TET3: variants seen among roughly 807,000 people sequenced by gnomAD.
TET3 encodes methylcytosine dioxygenase TET3.
TET3 carries 19 observed loss-of-function variants against 141.4 expected under a neutral mutation model. The observed-to-expected ratio is 0.13, with a 90% CI of 0.09 to 0.20. The LOEUF is 0.20. Among genes scored for constraint, TET3 ranks in the 10% least tolerant of loss-of-function variants. TET3 has a pLI of 1.00. For missense variants in TET3, 1,874 were observed against 2,356.9 expected (o/e 0.80, Z 4.24); for synonymous variants, 1,043 against 980.9 (o/e 1.06, Z -1.18).
chr2:74,108,473 A>C (rs1255429611), downstream of TET3, among the ~76,000 whole-genome samples: 3 of 151,150 alleles, frequency 2.0e-5, no homozygotes, highest in Non-Finnish European at 4.4e-5. Flanking sequence ...TTTTCTTTCC[A>C]CTGGGAGATA....
rs1288926105 is a variant in TET3 at position 74,087,876 on chromosome 2, G to A, written c.2726G>A (p.Arg909Gln). The A allele has an allele frequency of 6.4e-7, 1 of 1,551,606 alleles. No individual in the cohort carries two copies. Residue 909 changes from arginine to glutamine, a missense_variant, in exon 7 of 12, where the codon CGG (arginine) becomes CAG (glutamine). Physicochemically the swap from Arg to Gln is conservative, Grantham distance 43. Coordinates refer to ENST00000409262, the MANE Select transcript of TET3 (RefSeq NM_001287491.2). The surrounding 1 kb of genome is among the most constrained non-coding windows in gnomAD (Gnocchi z 4.3). ...TLEEKLLCLV[R>Q]HRAGHHCQNA... ...GAGGAGAAGCTACTCTGCCTGGTGC[G>A]GCACCGGGCAGGCCACCACTGCCAG... is the stretch of plus-strand genomic sequence containing the variant.
At position 74,101,903 on chromosome 2, in the gene TET3, G is replaced by T. The variant is rs1691240771; in HGVS notation, c.5115G>T (p.Gly1705=). The T allele has an allele frequency of 6.2e-7, 1 of 1,613,356 alleles. No homozygotes were observed. The highest frequency in any genetic ancestry group is 1.6e-4 in the Middle Eastern group (1 of 6,062). ...AGAACCTCAACCAGCCCAACCACGG[G>T]CTGGCCCTCTGGGAAGCCAAGATGA... ...QHKNLNQPNH[G]LALWEAKMKQ... Residue 1705 remains glycine, a synonymous_variant, in exon 12 of 12, where the codon GGG becomes GGT. Coordinates refer to ENST00000409262, the MANE Select transcript of TET3 (RefSeq NM_001287491.2). The surrounding 1 kb of genome is among the most constrained non-coding windows in gnomAD (Gnocchi z 8.5).
At chr2:74,016,541 G>A (rs956533578) in intron 3 of TET3, among the ~76,000 whole-genome samples, 7 of 152,014 alleles carry the variant, frequency 4.6e-5, no homozygotes, top group African/African-American at 1.2e-4. Flanking sequence ...GGCCAACATG[G>A]TGAAACTTTG....
the TET3 span, among the ~76,000 whole-genome samples, chr2:74,128,391 G>A: frequency 3.7e-4 from 57 of 152,158 alleles, no homozygotes; most frequent in African/African-American, 1.3e-3. Context: ...AAGGAAAATC[G>A]GAGAAACTGC....
the TET3 span, among the ~76,000 whole-genome samples, chr2:74,126,245 A>G: frequency 6.6e-6 from 1 of 152,216 alleles, no homozygotes; most frequent in Admixed American, 6.5e-5. Context: ...GACACAGTAG[A>G]TCAGCTGTTT....
intron 2 of TET3, among the ~76,000 whole-genome samples, chr2:73,995,503 G>A (rs574131273): frequency 1.3e-5 from 2 of 152,296 alleles, no homozygotes; most frequent in South Asian, 4.1e-4. Flanking sequence ...GACCTCCCCA[G>A]ATTTAAGAAG....
At chr2:73,996,248 A>G (rs752769130) in intron 2 of TET3, among the ~76,000 whole-genome samples, 6 of 152,172 alleles carry the variant, frequency 3.9e-5, no homozygotes, top group Admixed American at 6.5e-5. Flanking sequence ...ACTCCGTTAC[A>G]GCTCCTTTTT....
Position 74,096,777 on chromosome 2 carries a change from AAAAGAAAG to A in TET3, c.3268-2483_3268-2476del, listed in dbSNP as rs936843398. Reference sequence around the variant, plus strand: ...GAGCAAAACTCTGTCTCAAAAAAAAAAAAGAAAGAAAGAAAGAAAGAAAAGCAGGTCAG... The same window carrying A: ...GAGCAAAACTCTGTCTCAAAAAAAAAAAAGAAAGAAAGAAAAGCAGGTCAG... On this transcript the variant is annotated intron_variant, in intron 10 of 11. Transcript: ENST00000409262. Among the ~76,000 whole-genome samples, 13 of 145,330 alleles carry A rather than the reference AAAAGAAAG, an allele frequency of 8.9e-5. No individual in the cohort carries two copies. In the East Asian group the frequency reaches 2.1e-3, roughly 23 times the overall value.
At chr2:73,988,788 G>A (rs1008448287) in intron 2 of TET3, among the ~76,000 whole-genome samples, 4 of 152,134 alleles carry the variant, frequency 2.6e-5, no homozygotes, top group Non-Finnish European at 4.4e-5. Context: ...TTTTCGTAAA[G>A]CTAACTTTCT....
rs1572903813 is a variant in TET3 at position 74,100,561 on chromosome 2, A to C, written c.3773A>C (p.Tyr1258Ser). The C allele has an allele frequency of 1.2e-6, 2 of 1,612,964 alleles. No individual in the cohort carries two copies. The highest frequency in any genetic ancestry group is 1.7e-6 in the Non-Finnish European group (2 of 1,179,576). ...GACCCTTACAGCATGAACAGCGTGT[A>C]CTCCTACCACTCCTACTATGCACAG... ...PSDPYSMNSV[Y>S]SYHSYYAQPS... The change falls in exon 12 of 12, where the codon TAC becomes TCC. Residue 1258 changes from tyrosine (Y) to serine (S), a missense_variant. This residue lies in a region of TET3 where 602 missense variants were observed against 590.2 expected (regional missense o/e 1.02). Coordinates refer to ENST00000409262, the MANE Select transcript of TET3 (RefSeq NM_001287491.2).
chr2:74,010,705 G>GTCTCCCTGCC (rs1349303755), intron 3 of TET3, among the ~76,000 whole-genome samples: 1 of 152,164 alleles, frequency 6.6e-6, no homozygotes, highest in Non-Finnish European at 1.5e-5. Flanking sequence ...TCCAGTTTGG[G>GTCTCCCTGCC]TCTCCCTGCC....
chr2:74,109,805 T>C (rs539911196), downstream of TET3, among the ~76,000 whole-genome samples: 97 of 152,280 alleles, frequency 6.4e-4, no homozygotes, highest in African/African-American at 2.2e-3. Flanking sequence ...GGGATCCGGC[T>C]CATGCAAGCC....
At chr2:74,130,068 C>T in the TET3 span, among the ~76,000 whole-genome samples, 2 of 144,846 alleles carry the variant, frequency 1.4e-5, no homozygotes, top group African/African-American at 2.6e-5. Flanking sequence ...GTATTCCAGC[C>T]TGGGAGACAA....
intron 6 of TET3, among the ~76,000 whole-genome samples, chr2:74,082,014 G>C (rs1689859966): frequency 6.6e-6 from 1 of 152,174 alleles, no homozygotes; most frequent in South Asian, 2.1e-4. Flanking sequence ...GAACCCATCA[G>C]AGAAAAGACG....
chr2:74,094,306 C>T (rs1690678710), intron 10 of TET3, among the ~76,000 whole-genome samples: 2 of 151,992 alleles, frequency 1.3e-5, no homozygotes, highest in African/African-American at 2.4e-5. Context: ...AGGCTCCGAG[C>T]GGGGAGCAGG....
At chr2:74,010,006 T>C (rs1685344261) in intron 3 of TET3, among the ~76,000 whole-genome samples, 1 of 152,222 alleles carries the variant, frequency 6.6e-6, no homozygotes, top group Non-Finnish European at 1.5e-5. Context: ...ACCTGATGGT[T>C]GAGCTGTATG....
At chr2:74,058,949 C>G (rs1688355656) in intron 4 of TET3, among the ~76,000 whole-genome samples, 1 of 152,196 alleles carries the variant, frequency 6.6e-6, no homozygotes, top group South Asian at 2.1e-4. Flanking sequence ...CATGACCAGG[C>G]TCATTTGTTG....
chr2:74,068,102 G>GTA (rs558510223), intron 4 of TET3, among the ~76,000 whole-genome samples: 2 of 152,290 alleles, frequency 1.3e-5, no homozygotes, highest in African/African-American at 4.8e-5. Flanking sequence ...GCCTCCATGA[G>GTA]TAGACGCCGT....
At chr2:74,020,173 T>C (rs1007655061) in intron 3 of TET3, among the ~76,000 whole-genome samples, 5 of 152,198 alleles carry the variant, frequency 3.3e-5, no homozygotes, top group African/African-American at 4.8e-5. Flanking sequence ...TGCTAATCTT[T>C]ACCATAGCGT....
Sources: allele counts gnomAD v4.1 joint callset (sites outside exome capture counted in the v4.1 genomes callset), GRCh38; gene constraint gnomAD v4.1.1; regional missense constraint gnomAD v4.1.1; non-coding constraint Gnocchi (gnomAD v3.1); transcripts MANE v1.5; gene names NCBI Gene and HGNC (gene_info 2026-07-23, HGNC 2026-07-21).